Variants in PTPRO observed in about 807,000 individuals in gnomAD.
The protein encoded by PTPRO is receptor-type tyrosine-protein phosphatase O.
A neutral mutation model predicts 145.2 loss-of-function variants in PTPRO; 62 were observed. That is an observed-to-expected ratio of 0.43 (90% confidence interval 0.35 to 0.53). The LOEUF is 0.53. PTPRO is among the 20% of genes least tolerant of loss of function. PTPRO has a pLI of 0.01. For synonymous variants in PTPRO, 565 were observed against 514.7 expected (o/e 1.10, Z -1.32); for missense variants, 1,345 against 1,482.7 (o/e 0.91, Z 1.53).
intron 1 of PTPRO, among the ~76,000 whole-genome samples, chr12:15,446,767 T>G (rs1479931759): frequency 6.6e-6 from 1 of 151,002 alleles, no homozygotes; most frequent in Non-Finnish European, 1.5e-5. Flanking sequence ...ATTAATTTTT[T>G]TATTTATTAA....
intron 12 of PTPRO, among the ~76,000 whole-genome samples, chr12:15,537,682 G>C (rs1000704225): frequency 1.3e-5 from 2 of 152,094 alleles, no homozygotes; most frequent in African/African-American, 4.8e-5. Flanking sequence ...TTTTTATTTT[G>C]TTTTCTTTAA....
intron 1 of PTPRO, among the ~76,000 whole-genome samples, chr12:15,473,147 A>G (rs919036280): frequency 3.3e-5 from 5 of 152,228 alleles, no homozygotes; most frequent in Non-Finnish European, 5.9e-5. Flanking sequence ...AAGCTCAGAT[A>G]GAATTTCAGA....
chr12:15,405,630 A>G (rs918209366), intron 1 of PTPRO, among the ~76,000 whole-genome samples: 2 of 152,188 alleles, frequency 1.3e-5, no homozygotes, highest in Non-Finnish European at 2.9e-5. Flanking sequence ...TTGCACAAAA[A>G]ATTTTAAGTC....
chr12:15,482,237 A>G (rs1941794121), intron 1 of PTPRO, among the ~76,000 whole-genome samples: 1 of 151,906 alleles, frequency 6.6e-6, no homozygotes, highest in South Asian at 2.1e-4. Flanking sequence ...TGTCATTTGC[A>G]ACCACATAGA....
chr12:15,354,716 AAGCACCGT>A (rs1937928875), intron 1 of PTPRO, among the ~76,000 whole-genome samples: 1 of 152,194 alleles, frequency 6.6e-6, no homozygotes, highest in Admixed American at 6.5e-5. Context: ...ATGGTATAAT[AAGCACCGT>A]ATATACATGG....
chr12:15,368,836 C>T (rs59484937), intron 1 of PTPRO, among the ~76,000 whole-genome samples: 5 of 152,030 alleles, frequency 3.3e-5, no homozygotes, highest in Non-Finnish European at 7.4e-5. Flanking sequence ...TTAAGTGGAC[C>T]TGTTATATTT....
At chr12:15,521,140 A>G (rs922661000) in intron 10 of PTPRO, among the ~76,000 whole-genome samples, 6 of 152,200 alleles carry the variant, frequency 3.9e-5, no homozygotes, top group Non-Finnish European at 5.9e-5. Flanking sequence ...TCCTGAGAAA[A>G]CAGAGGAGAA....
At chr12:15,512,734 C>T (rs956129631) in intron 7 of PTPRO, among the ~76,000 whole-genome samples, 5 of 152,268 alleles carry the variant, frequency 3.3e-5, no homozygotes, top group African/African-American at 1.2e-4. Flanking sequence ...CGGTTCACGC[C>T]TGTAATCCTA....
chr12:15,456,365 G>T (rs1049209398), intron 1 of PTPRO, among the ~76,000 whole-genome samples: 4 of 152,158 alleles, frequency 2.6e-5, no homozygotes, highest in Admixed American at 6.5e-5. Flanking sequence ...TGTTGTATTT[G>T]GTTGGCTAGT....
In PTPRO at chr12:15,448,339, TAAAAAA is replaced by T. The variant is rs56136736; in HGVS notation, c.76-35619_76-35614del. Among the ~76,000 whole-genome samples, 4 of 45,020 alleles carry T rather than the reference TAAAAAA, an allele frequency of 8.9e-5. 1 individual carries two copies. The highest frequency in any genetic ancestry group is 4.7e-4 in the Admixed American group (1 of 2,122). The allele number at this position is 45,020 out of a possible 152,430, so 29.5% of individuals were successfully genotyped here. On this transcript the variant is annotated intron_variant, in intron 1 of 26. Coordinates refer to ENST00000281171, the MANE Select transcript of PTPRO (RefSeq NM_030667.3). ...CTCTATTCTATCTTCCTGTTCCTAG[TAAAAAA>T]AAAAAAAAAAAAAAAGCACCGATTG...
intron 1 of PTPRO, among the ~76,000 whole-genome samples, chr12:15,327,296 G>C (rs1168811035): frequency 1.3e-5 from 2 of 152,126 alleles, no homozygotes; most frequent in Non-Finnish European, 1.5e-5. Context: ...CCTCACCTCT[G>C]TTTAATGTTA....
At chr12:15,329,109 G>T (rs117683006) in intron 1 of PTPRO, among the ~76,000 whole-genome samples, 1 of 152,124 alleles carries the variant, frequency 6.6e-6, no homozygotes, top group Non-Finnish European at 1.5e-5. Context: ...GAGGAAAGGC[G>T]TCATATGACT....
At chr12:15,449,244 G>T (rs1248012546) in intron 1 of PTPRO, among the ~76,000 whole-genome samples, 1 of 152,230 alleles carries the variant, frequency 6.6e-6, no homozygotes, top group South Asian at 2.1e-4. Context: ...TCTATGAGTG[G>T]CTGAAGTATG....
intron 1 of PTPRO, among the ~76,000 whole-genome samples, chr12:15,441,222 C>T (rs998959387): frequency 6.6e-6 from 1 of 152,046 alleles, no homozygotes; most frequent in Non-Finnish European, 1.5e-5. Context: ...TACACAATTA[C>T]ATGGAAAGTA....
intron 7 of PTPRO, among the ~76,000 whole-genome samples, chr12:15,510,548 GA>G (rs1431392007): frequency 6.6e-6 from 1 of 152,158 alleles, no homozygotes; most frequent in East Asian, 1.9e-4. Context: ...CAATGAGCCA[GA>G]AAAGACTAGT....
At chr12:15,584,661 T>G (rs1030855056) in intron 23 of PTPRO, among the ~76,000 whole-genome samples, 4 of 152,162 alleles carry the variant, frequency 2.6e-5, no homozygotes, top group African/African-American at 9.7e-5. Flanking sequence ...GCATAATGAA[T>G]CTAAATGTTA....
intron 1 of PTPRO, among the ~76,000 whole-genome samples, chr12:15,439,356 C>G (rs1940691602): frequency 6.6e-6 from 1 of 152,162 alleles, no homozygotes; most frequent in African/African-American, 2.4e-5. Flanking sequence ...TATAAAGCAA[C>G]TACACAATAG....
intron 1 of PTPRO, among the ~76,000 whole-genome samples, chr12:15,357,767 A>T (rs1435318387): frequency 6.6e-6 from 1 of 150,522 alleles, no homozygotes; most frequent in East Asian, 1.9e-4. Context: ...GAGAAATAGG[A>T]ACACTTTTAC....
chr12:15,474,410 G>A (rs555247522), intron 1 of PTPRO, among the ~76,000 whole-genome samples: 1 of 152,126 alleles, frequency 6.6e-6, no homozygotes, highest in Non-Finnish European at 1.5e-5. Flanking sequence ...GAAGCCAAGT[G>A]CCCAGACCCC....
Sources: gnomAD v4.1 joint callset for allele counts (sites outside exome capture counted in the v4.1 genomes callset) on GRCh38, gnomAD v4.1.1 for gene constraint, MANE v1.5 for transcripts, NCBI Gene and HGNC (gene_info 2026-07-23, HGNC 2026-07-21) for gene names.